The following PROS1 variants were observed in gnomAD, a reference collection of about 807,000 sequenced individuals.
PROS1 encodes protein S, also known as vitamin K-dependent protein S.
PROS1 carries 29 observed loss-of-function variants against 75.9 expected under a neutral mutation model. The ratio of observed to expected loss-of-function variants is 0.38; its 90% confidence interval spans 0.28 to 0.52. The LOEUF is 0.52. Among genes scored for constraint, PROS1 ranks in the 20% least tolerant of loss-of-function variants. The pLI is 0.83. For missense variants in PROS1, 680 were observed against 810.3 expected (o/e 0.84, Z 1.95); for synonymous variants, 245 against 280.6 (o/e 0.87, Z 1.27).
At chr3:93,944,184 G>A (rs1015095457) in intron 1 of PROS1, among the ~76,000 whole-genome samples, 21 of 152,058 alleles carry the variant, frequency 1.4e-4, no homozygotes, top group African/African-American at 2.2e-4. Flanking sequence ...AGACTAACAC[G>A]AAACCAGATA....
intron 1 of PROS1, among the ~76,000 whole-genome samples, chr3:93,930,958 T>C (rs1446608411): frequency 1.3e-5 from 2 of 152,226 alleles, no homozygotes; most frequent in East Asian, 3.8e-4. Flanking sequence ...AAAACTGTTA[T>C]GCTTCTGTCC....
chr3:93,877,202 G>C lies in PROS1; in HGVS notation c.1645-11C>G. 6.4e-7 allele frequency: 1 copy of C among 1,568,598 alleles called. No individual in the cohort carries two copies. The highest frequency in any genetic ancestry group is 8.8e-7 in the Non-Finnish European group (1 of 1,139,072). On this transcript the variant is annotated splice_polypyrimidine_tract_variant and intron_variant, in intron 13 of 14. Coordinates refer to ENST00000394236, the MANE Select transcript of PROS1 (RefSeq NM_000313.4). ...AGATAACAGAATATCCTGAAGAGCA[G>C]AGCAAAGATTCAATATAAGCAAGGA...
At chr3:93,881,561 T>TA (rs2107132553) in intron 12 of PROS1, among the ~76,000 whole-genome samples, 1 of 148,202 alleles carries the variant, frequency 6.7e-6, no homozygotes, top group East Asian at 2.0e-4. Flanking sequence ...AAGCACTTTT[T>TA]TTTTTTTTTT....
chr3:93,885,944 C>T (rs769257760), intron 11 of PROS1, among the ~76,000 whole-genome samples: 1 of 152,082 alleles, frequency 6.6e-6, no homozygotes, highest in Non-Finnish European at 1.5e-5. Flanking sequence ...CTTTGACTGG[C>T]TTTTACAAAA....
intron 1 of PROS1, among the ~76,000 whole-genome samples, chr3:93,934,097 T>C (rs1248276323): frequency 6.6e-6 from 1 of 150,932 alleles, no homozygotes; most frequent in Non-Finnish European, 1.5e-5. Flanking sequence ...GGAGAATCAC[T>C]TGAACCCAGG....
intron 1 of PROS1, among the ~76,000 whole-genome samples, chr3:93,948,103 CA>C (rs1709434695): frequency 6.6e-6 from 1 of 151,984 alleles, no homozygotes; most frequent in Admixed American, 6.6e-5. Context: ...GGACTTTCTT[CA>C]AAACATATAA....
At chr3:93,960,175 AC>A (rs1709680526) in intron 1 of PROS1, among the ~76,000 whole-genome samples, 1 of 146,314 alleles carries the variant, frequency 6.8e-6, no homozygotes, top group Non-Finnish European at 1.5e-5. Context: ...TGCGTTTGTC[AC>A]TTTTTTTTTT....
At chr3:93,889,697 T>G (rs1424816016) in intron 10 of PROS1, among the ~76,000 whole-genome samples, 1 of 152,132 alleles carries the variant, frequency 6.6e-6, no homozygotes, top group Non-Finnish European at 1.5e-5. Flanking sequence ...TCATGGACAT[T>G]TATTAGTTTT....
intron 3 of PROS1, among the ~76,000 whole-genome samples, chr3:93,913,006 C>T (rs555916313): frequency 1.3e-5 from 2 of 152,294 alleles, no homozygotes; most frequent in South Asian, 4.1e-4. Flanking sequence ...TATGGTTTAG[C>T]TGTGTCCCCA....
In PROS1 at chr3:93,927,311, C is replaced by T; in HGVS notation, c.173G>A (p.Cys58Tyr). Reference sequence around the variant, plus strand: ...TTCTTTATTGCACAGTTCTTCGATGCATTCTCTTTCAAGATTACCCTGTTT... The same window carrying T: ...TTCTTTATTGCACAGTTCTTCGATGTATTCTCTTTCAAGATTACCCTGTTT... ...ETKQGNLERECIEELCNKEEA... is the reference protein window; with the variant it reads ...ETKQGNLEREYIEELCNKEEA... Residue 58 changes from cysteine to tyrosine, a missense_variant, in exon 2 of 15, where the codon TGC becomes TAC. By Grantham distance (194) the Cys-to-Tyr change is radical (BLOSUM62 -2). Coordinates refer to ENST00000394236, the MANE Select transcript of PROS1 (RefSeq NM_000313.4). 6.2e-7 allele frequency: 1 copy of T among 1,613,544 alleles called. No homozygotes were observed. Among genetic ancestry groups the T allele is most frequent in the Non-Finnish European group, 8.5e-7 (1 of 1,179,994 alleles).
intron 3 of PROS1, among the ~76,000 whole-genome samples, chr3:93,915,058 T>G (rs1396362431): frequency 6.6e-6 from 1 of 152,244 alleles, no homozygotes; most frequent in Non-Finnish European, 1.5e-5. Context: ...CTTTTCACTC[T>G]TTATATGACC....
At chr3:93,956,506 CTCTCTG>C (rs1194250981) in intron 1 of PROS1, among the ~76,000 whole-genome samples, 2 of 147,464 alleles carry the variant, frequency 1.4e-5, no homozygotes, top group African/African-American at 2.5e-5. Context: ...GTCTCTCTCT[CTCTCTG>C]TCTCTCTCTC....
At chr3:93,943,337 C>G (rs966111110) in intron 1 of PROS1, among the ~76,000 whole-genome samples, 1 of 152,006 alleles carries the variant, frequency 6.6e-6, no homozygotes, top group African/African-American at 2.4e-5. Flanking sequence ...AATTGGATGT[C>G]CTGGGTCCTC....
intron 1 of PROS1, among the ~76,000 whole-genome samples, chr3:93,969,470 C>T (rs538906123): frequency 3.3e-5 from 5 of 152,236 alleles, no homozygotes; most frequent in Admixed American, 1.3e-4. Context: ...ACTGTTCTTC[C>T]GGCACTCTGT....
chr3:93,938,160 G>C (rs187590115), intron 1 of PROS1, among the ~76,000 whole-genome samples: 277 of 152,264 alleles, frequency 1.8e-3, no homozygotes, highest in Non-Finnish European at 3.0e-3. Context: ...AGTGAAAATG[G>C]CTGGTTCCTG....
At chr3:93,901,720 T>C (rs1369564910) in intron 6 of PROS1, among the ~76,000 whole-genome samples, 5 of 152,210 alleles carry the variant, frequency 3.3e-5, no homozygotes, top group Non-Finnish European at 5.9e-5. Flanking sequence ...TAAAATAACT[T>C]GCACAAAAAT....
chr3:93,920,502 T>C (rs1391860803), intron 3 of PROS1, among the ~76,000 whole-genome samples: 4 of 152,096 alleles, frequency 2.6e-5, no homozygotes, highest in Non-Finnish European at 5.9e-5. Flanking sequence ...CTACTATGGA[T>C]TTTTATAGGA....
chr3:93,943,377 C>T (rs186173744), intron 1 of PROS1, among the ~76,000 whole-genome samples: 5 of 151,340 alleles, frequency 3.3e-5, no homozygotes, highest in Admixed American at 2.6e-4. Context: ...TACCTGTTTT[C>T]CTCTTTCTCC....
At chr3:93,899,593 GA>G (rs1443618646) in intron 7 of PROS1, among the ~76,000 whole-genome samples, 2 of 152,156 alleles carry the variant, frequency 1.3e-5, no homozygotes, top group African/African-American at 4.8e-5. Flanking sequence ...GCAATGGTGA[GA>G]AAGGAGAAAT....
Sources: allele counts gnomAD v4.1 joint callset (sites outside exome capture counted in the v4.1 genomes callset), GRCh38; gene constraint gnomAD v4.1.1; transcripts MANE v1.5; gene names NCBI Gene and HGNC (gene_info 2026-07-23, HGNC 2026-07-21).